PAX5: variants seen among roughly 807,000 people sequenced by gnomAD.
The protein encoded by PAX5 is paired box protein Pax-5.
Under a neutral mutation model 43.7 loss-of-function variants are expected in PAX5, and 9 were observed. That is an observed-to-expected ratio of 0.21 (90% CI 0.12 to 0.36). The LOEUF (loss-of-function observed/expected upper bound fraction) is 0.36. Among genes scored for constraint, PAX5 ranks in the 10% least tolerant of loss-of-function variants. The pLI, the probability that PAX5 is intolerant of heterozygous loss-of-function variation, is 1.00. For synonymous variants in PAX5, 228 were observed against 214.3 expected (o/e 1.06, Z -0.56); for missense variants, 383 against 532.7 (o/e 0.72, Z 2.77).
intron 7 of PAX5, among the ~76,000 whole-genome samples, chr9:36,916,451 T>C (rs1017102217): frequency 2.6e-5 from 4 of 152,210 alleles, no homozygotes; most frequent in African/African-American, 9.6e-5. Flanking sequence ...TTTAGCATCA[T>C]TTTGATAAAG....
At chr9:36,922,673 G>T (rs74631646) in intron 7 of PAX5, 2 of 152,336 alleles carry the variant, frequency 1.3e-5, no homozygotes, top group African/African-American at 4.8e-5. Flanking sequence ...TTCCACAGAC[G>T]AACAAATTAA....
chr9:36,847,531 G>A (rs1235969203), intron 8 of PAX5, among the ~76,000 whole-genome samples: 2 of 152,216 alleles, frequency 1.3e-5, no homozygotes, highest in African/African-American at 4.8e-5. Flanking sequence ...CCTGGAGGAG[G>A]CAGACAGAAC....
intron 8 of PAX5, among the ~76,000 whole-genome samples, chr9:36,878,386 C>T (rs1311085350): frequency 1.3e-5 from 2 of 152,294 alleles, no homozygotes; most frequent in East Asian, 1.9e-4. Flanking sequence ...GCCTTGAACA[C>T]GTTGGGTCAT....
chr9:37,012,567 G>A (rs1839032969), intron 3 of PAX5, among the ~76,000 whole-genome samples: 1 of 152,234 alleles, frequency 6.6e-6, no homozygotes, highest in Non-Finnish European at 1.5e-5. Context: ...CACAGGTCCA[G>A]GCAGAAAACA....
At chr9:36,959,509 C>T (rs1344322342) in intron 6 of PAX5, among the ~76,000 whole-genome samples, 1 of 152,212 alleles carries the variant, frequency 6.6e-6, no homozygotes, top group Non-Finnish European at 1.5e-5. Flanking sequence ...GCCTCTTCCG[C>T]ACAAACTCTA....
chr9:36,952,514 T>G (rs1317082153), intron 6 of PAX5, among the ~76,000 whole-genome samples: 1 of 152,206 alleles, frequency 6.6e-6, no homozygotes, highest in Admixed American at 6.5e-5. Flanking sequence ...CTACTACGTT[T>G]GTAACTTTTC....
intron 6 of PAX5, among the ~76,000 whole-genome samples, chr9:36,942,570 C>G (rs762740922): frequency 3.3e-5 from 5 of 152,194 alleles, no homozygotes; most frequent in Admixed American, 1.3e-4. Flanking sequence ...GTGTGCAAGT[C>G]CCTGCTCTGT....
chr9:36,961,224 C>T (rs1833950343), intron 6 of PAX5, among the ~76,000 whole-genome samples: 1 of 152,220 alleles, frequency 6.6e-6, no homozygotes, highest in Admixed American at 6.5e-5. Context: ...GCTGTTCGGC[C>T]CACCAGCCTG....
At chr9:37,005,185 G>A (rs2132416364) in intron 4 of PAX5, among the ~76,000 whole-genome samples, 1 of 152,314 alleles carries the variant, frequency 6.6e-6, no homozygotes. Flanking sequence ...GCCCAGCAGA[G>A]CTGGTGGTTC....
intron 5 of PAX5, among the ~76,000 whole-genome samples, chr9:36,981,497 C>G (rs1296708146): frequency 1.3e-5 from 2 of 150,310 alleles, no homozygotes; most frequent in African/African-American, 4.9e-5. Context: ...GGTGTGACCT[C>G]CTACTGGGAA....
Position 36,840,522 on chromosome 9 carries a change from G to A in PAX5, c.*38C>T. 6.4e-7 allele frequency: 1 copy of A among 1,557,420 alleles called. No homozygotes were observed. ...GGCTGGGTGGCTGTCACCCTCAATA[G>A]GTGCCATCAGTGTTTGGTGCCCGCC... On this transcript the variant is annotated 3_prime_UTR_variant, in exon 10 of 10. Transcript: ENST00000358127.
intron 5 of PAX5, among the ~76,000 whole-genome samples, chr9:36,997,975 C>G (rs537545543): frequency 6.6e-6 from 1 of 152,350 alleles, no homozygotes; most frequent in Non-Finnish European, 1.5e-5. Context: ...GTCACAGAGT[C>G]CGAACCAGAA....
At chr9:36,945,700 A>G (rs1450911042) in intron 6 of PAX5, among the ~76,000 whole-genome samples, 1 of 152,254 alleles carries the variant, frequency 6.6e-6, no homozygotes, top group Non-Finnish European at 1.5e-5. Flanking sequence ...AAATTGGATC[A>G]GCCGGTCCAA....
At chr9:36,876,162 G>A (rs991135983) in intron 8 of PAX5, among the ~76,000 whole-genome samples, 1 of 152,204 alleles carries the variant, frequency 6.6e-6, no homozygotes, top group Non-Finnish European at 1.5e-5. Context: ...CCCCTGTGGT[G>A]TTCAGTGGAC....
chr9:36,888,997 T>C (rs887211590), intron 7 of PAX5, among the ~76,000 whole-genome samples: 5 of 152,202 alleles, frequency 3.3e-5, no homozygotes, highest in Admixed American at 3.3e-4. Context: ...CATGGGGCTT[T>C]CTTTGATAAT....
intron 1 of PAX5, among the ~76,000 whole-genome samples, chr9:37,023,537 G>A (rs1840035091): frequency 1.3e-5 from 2 of 152,208 alleles, no homozygotes; most frequent in Non-Finnish European, 2.9e-5. Context: ...ACTGGGCAGT[G>A]TTTGGAGGGG....
At chr9:36,846,166 GC>G (rs1822555118) in intron 9 of PAX5, among the ~76,000 whole-genome samples, 1 of 152,186 alleles carries the variant, frequency 6.6e-6, no homozygotes. Flanking sequence ...GCTCCCCTTG[GC>G]CTTTTGAAAG....
Position 36,891,927 on chromosome 9 carries a change from C to A in PAX5, c.911-9822G>T, listed in dbSNP as rs140237367. 7.7e-3 allele frequency among the ~76,000 whole-genome samples: 1,177 copies of A among 152,312 alleles called. 11 individuals are homozygous for A. The highest frequency in any genetic ancestry group is 0.027 in the African/African-American group (1,132 of 41,554). ...CTCACTCCTTCCTCTGAATTGACCG[C>A]ACCCACCTCCCTGGAATCTCTGGAA... is the stretch of plus-strand genomic sequence containing the variant. On this transcript the variant is annotated intron_variant, in intron 7 of 9. Transcript: ENST00000358127.
intron 5 of PAX5, among the ~76,000 whole-genome samples, chr9:37,001,133 G>A (rs554141824): frequency 6.6e-6 from 1 of 152,354 alleles, no homozygotes; most frequent in South Asian, 2.1e-4. Context: ...TTGTAAAGGA[G>A]CTTGAGGGGC....
Sources: allele counts gnomAD v4.1 joint callset (sites outside exome capture counted in the v4.1 genomes callset), GRCh38; gene constraint gnomAD v4.1.1; transcripts MANE v1.5; gene names NCBI Gene and HGNC (gene_info 2026-07-23, HGNC 2026-07-21).